Variants in COPS5 observed in about 807,000 individuals in gnomAD.
The protein encoded by COPS5 is COP9 signalosome complex subunit 5.
COPS5 carries 8 observed loss-of-function variants against 44.4 expected under a neutral mutation model. The observed-to-expected ratio is 0.18, with a 90% CI of 0.11 to 0.32. The LOEUF (loss-of-function observed/expected upper bound fraction) is 0.32. Ranked by LOEUF, COPS5 falls within the 10% of genes least tolerant of loss-of-function variation. The pLI is 1.00. For missense variants in COPS5, 159 were observed against 406.4 expected (o/e 0.39, Z 5.23); for synonymous variants, 122 against 142.8 (o/e 0.85, Z 1.04).
At position 67,059,161 on chromosome 8, in the gene COPS5, C is replaced by T. The variant is rs770251988; in HGVS notation, c.378+50G>A. The stretch of plus-strand genomic sequence containing the variant: ...TTAAGTTTAGAAACTCAAAAGTCAC[C>T]TTGAGACTCTAACTTGCAATTACTA... On this transcript the variant is annotated intron_variant, in intron 2 of 7. Coordinates refer to ENST00000357849, the MANE Select transcript of COPS5 (RefSeq NM_006837.3). 3.7e-6 allele frequency: 5 copies of T among 1,363,684 alleles called. No individual in the cohort carries two copies. In the African/African-American group the frequency reaches 7.2e-5, roughly 20 times the overall value. The allele number at this position is 1,363,684 out of a possible 1,614,324, so 84.5% of individuals were successfully genotyped here. A position where few individuals can be genotyped will look rare whatever the true frequency, so the allele number is the denominator to read the frequency against.
chr8:67,051,204 G>T, intron 6 of COPS5, 26 bp downstream of exon 6: 2 of 1,319,596 alleles, frequency 1.5e-6, no homozygotes, highest in Non-Finnish European at 1.1e-6. Flanking sequence ...AAATTCAAAT[G>T]CATTCTTTAC....
At chr8:67,058,687 G>C (rs1194059244) in intron 2 of COPS5, among the ~76,000 whole-genome samples, 1 of 151,838 alleles carries the variant, frequency 6.6e-6, no homozygotes, top group Non-Finnish European at 1.5e-5. Flanking sequence ...ATAAGTGTGA[G>C]AGTTTATTTA....
At chr8:67,061,738 TC>T (rs768103023) in intron 1 of COPS5, 115 bp downstream of exon 1, 3 of 1,031,820 alleles carry the variant, frequency 2.9e-6, no homozygotes, top group Non-Finnish European at 4.4e-6. Flanking sequence ...AGACGCATAT[TC>T]TGTCCCCCTC....
Position 67,056,621 on chromosome 8 carries a change from T to C in COPS5, c.574-17A>G. Reference sequence around the variant, plus strand: ...TTTGTAGCCCTAAACAAAAATGAGGTAAACAGAAGATTAAGAAAAAAAAAA... The same window carrying C: ...TTTGTAGCCCTAAACAAAAATGAGGCAAACAGAAGATTAAGAAAAAAAAAA... On this transcript the variant is annotated splice_polypyrimidine_tract_variant and intron_variant, in intron 4 of 7. Coordinates refer to ENST00000357849, the MANE Select transcript of COPS5 (RefSeq NM_006837.3). The C allele has an allele frequency of 1.9e-6, 1 of 515,662 alleles. No homozygotes were observed. The highest frequency in any genetic ancestry group is 2.9e-6 in the Non-Finnish European group (1 of 339,398). 31.9% of individuals were successfully genotyped at this position (515,662 alleles called of 1,614,324 possible).
chr8:67,059,087 T>C (rs1170841040), intron 2 of COPS5, 124 bp downstream of exon 2: 5 of 637,316 alleles, frequency 7.8e-6, no homozygotes, highest in Non-Finnish European at 1.3e-5. Context: ...ACATTTTACA[T>C]ATAAATCATT....
chr8:67,045,445 T>G, intron 7 of COPS5: 1 of 162,698 alleles, frequency 6.1e-6, no homozygotes, highest in Admixed American at 6.2e-5. Flanking sequence ...CAGAGCGAGA[T>G]TCTGTCTCAA....
intron 2 of COPS5, 127 bp downstream of exon 2, chr8:67,059,084 A>G: frequency 1.6e-6 from 1 of 632,546 alleles, no homozygotes; most frequent in Admixed American, 3.0e-5. Context: ...CGTACATTTT[A>G]CATATAAATC....
intron 2 of COPS5, among the ~76,000 whole-genome samples, chr8:67,058,969 A>G (rs1585716684): frequency 6.6e-6 from 1 of 151,394 alleles, no homozygotes; most frequent in Admixed American, 6.6e-5. Context: ...ACGCCACTGC[A>G]CTCCAGCCTG....
chr8:67,048,349 G>GA (rs1025097858), intron 6 of COPS5, among the ~76,000 whole-genome samples: 9 of 150,206 alleles, frequency 6.0e-5, no homozygotes, highest in Admixed American at 3.3e-4. Context: ...AGGAAAAAAG[G>GA]AAAAAAAGAA....
intron 1 of COPS5, 21 bp downstream of exon 1, chr8:67,061,833 T>C: frequency 1.9e-6 from 3 of 1,612,908 alleles, no homozygotes; most frequent in Non-Finnish European, 2.5e-6. Context: ...CTCCCCTGCG[T>C]CTCGCCAGGG....
rs1554544760 is a variant in COPS5, at chr8:67,046,839, A to AC, written c.772-880_772-879insG. Reference sequence around the variant, plus strand: ...ACTCTGTCTCCAAAAAAAAAAAAAAAAAAAAAAAACAAACACTTTTCTGGT... The same window carrying AC: ...ACTCTGTCTCCAAAAAAAAAAAAAAACAAAAAAAAACAAACACTTTTCTGGT... On this transcript the variant is annotated intron_variant, in intron 6 of 7. Coordinates refer to ENST00000357849, the MANE Select transcript of COPS5 (RefSeq NM_006837.3). Among the ~76,000 whole-genome samples the AC allele has an allele frequency of 2.2e-4, 33 of 150,992 alleles. 1 individual carries two copies. The highest frequency in any genetic ancestry group is 6.9e-3 in the Middle Eastern group (2 of 288).
At chr8:67,049,134 G>C (rs142854012) in intron 6 of COPS5, among the ~76,000 whole-genome samples, 1,750 of 152,296 alleles carry the variant, frequency 0.011, 17 homozygotes, top group Non-Finnish European at 0.018. Flanking sequence ...ATTTACTTCA[G>C]TCTACATACT....
At chr8:67,051,411 C>A in intron 5 of COPS5, 70 bp from the exon 6 acceptor site, 1 of 811,312 alleles carries the variant, frequency 1.2e-6, no homozygotes. Context: ...AAACTTATGG[C>A]CAGATTTAAG....
chr8:67,052,811 ACT>A (rs1477435132), intron 5 of COPS5, among the ~76,000 whole-genome samples: 1 of 146,038 alleles, frequency 6.8e-6, no homozygotes, highest in Non-Finnish European at 1.5e-5. Context: ...CAAGAGCAAG[ACT>A]CTGTCTTAAA....
intron 7 of COPS5, chr8:67,044,448 G>A (rs1484486057): frequency 6.6e-6 from 1 of 152,020 alleles, no homozygotes; most frequent in Non-Finnish European, 1.5e-5. Context: ...TCCAATCCCA[G>A]GATACACTTT....
intron 5 of COPS5, among the ~76,000 whole-genome samples, chr8:67,051,840 C>T (rs1421244802): frequency 6.6e-6 from 1 of 152,128 alleles, no homozygotes; most frequent in Non-Finnish European, 1.5e-5. Context: ...ATTGCTCCCA[C>T]TTTCAAAGGT....
intron 2 of COPS5, among the ~76,000 whole-genome samples, chr8:67,058,567 G>T (rs1804544133): frequency 6.6e-6 from 1 of 151,446 alleles, no homozygotes; most frequent in Non-Finnish European, 1.5e-5. Flanking sequence ...TCTTTTAAAG[G>T]CTGCCTGGCA....
At chr8:67,051,817 G>A (rs1312021442) in intron 5 of COPS5, among the ~76,000 whole-genome samples, 2 of 152,098 alleles carry the variant, frequency 1.3e-5, no homozygotes, top group Non-Finnish European at 2.9e-5. Context: ...AGGTCCTTAA[G>A]GCATCTAAAA....
chr8:67,052,842 T>C (rs1804439294), intron 5 of COPS5, among the ~76,000 whole-genome samples: 3 of 147,446 alleles, frequency 2.0e-5, no homozygotes, highest in Admixed American at 2.0e-4. Flanking sequence ...AAAAAAGAAA[T>C]TTAAACTTTA....
Sources: gnomAD v4.1 joint callset for allele counts (sites outside exome capture counted in the v4.1 genomes callset) on GRCh38, gnomAD v4.1.1 for gene constraint, MANE v1.5 for transcripts, NCBI Gene and HGNC (gene_info 2026-07-23, HGNC 2026-07-21) for gene names.